The following TANC2 variants were observed in gnomAD, a reference collection of about 807,000 sequenced individuals.
The protein encoded by TANC2 is tetratricopeptide repeat, ankyrin repeat and coiled-coil containing 2.
A neutral mutation model predicts 210.5 loss-of-function variants in TANC2; 26 were observed. The ratio of observed to expected loss-of-function variants is 0.12; its 90% CI spans 0.09 to 0.17. The LOEUF (loss-of-function observed/expected upper bound fraction) is 0.17, where lower values mean the gene tolerates loss of function less well. TANC2 is among the 10% of genes least tolerant of loss of function. The pLI is 1.00. For synonymous variants in TANC2, 931 were observed against 967.1 expected, an observed-to-expected ratio of 0.96 and a Z score of 0.69; for missense variants, 2,129 against 2,608.9, an observed-to-expected ratio of 0.82 and a Z score of 4.01.
intron 2 of TANC2, among the ~76,000 whole-genome samples, chr17:63,045,431 A>G (rs2144313282): frequency 6.6e-6 from 1 of 152,280 alleles, no homozygotes; most frequent in East Asian, 1.9e-4. Flanking sequence ...ATTTATTCAA[A>G]TCTATCATTC....
rs150312783 is a variant in TANC2, at chr17:63,231,053, T to C, written c.770-6761T>C. Among the ~76,000 whole-genome samples, 204 of 152,312 alleles carry C rather than the reference T, an allele frequency of 1.3e-3. 1 individual carries two copies. In the East Asian group the frequency reaches 0.023, roughly 17 times the overall value. On this transcript the variant is annotated intron_variant, in intron 7 of 27. Transcript: ENST00000689528. ...TTGTCTTTTTTTAAATCTTTGTTGG[T>C]TTAAAGTCTGTTTTGTCAGAGACTA...
rs375976733 is a variant in TANC2 at position 63,406,310 on chromosome 17, G to A, written c.3589+33G>A. 1.9e-5 allele frequency: 31 copies of A among 1,606,932 alleles called. No homozygotes were observed. In the African/African-American group the frequency reaches 3.3e-4, roughly 17 times the overall value. On this transcript the variant is annotated intron_variant, in intron 21 of 27. Transcript: ENST00000689528. ...TTGGAATGCTAGAGCTGGCTGGCCA[G>A]TTTCCATAATTACCTGGTGAACTCA...
chr17:63,066,792 T>G (rs1418510985), intron 2 of TANC2, among the ~76,000 whole-genome samples: 1 of 151,944 alleles, frequency 6.6e-6, no homozygotes, highest in Non-Finnish European at 1.5e-5. Context: ...GACACAGATA[T>G]AGTCATGAAG....
intron 4 of TANC2, among the ~76,000 whole-genome samples, chr17:63,144,837 C>G (rs771700313): frequency 5.3e-5 from 8 of 152,036 alleles, no homozygotes; most frequent in Non-Finnish European, 1.0e-4. Flanking sequence ...TAAAGATTAT[C>G]ATATCAAATT....
At chr17:63,199,363 C>G (rs2041453176) in intron 6 of TANC2, among the ~76,000 whole-genome samples, 1 of 152,108 alleles carries the variant, frequency 6.6e-6, no homozygotes, top group African/African-American at 2.4e-5. Context: ...TGGCTCACAC[C>G]TGTAATCCCA....
At chr17:63,164,034 T>A (rs2040120733) in intron 5 of TANC2, among the ~76,000 whole-genome samples, 1 of 152,146 alleles carries the variant, frequency 6.6e-6, no homozygotes, top group South Asian at 2.1e-4. Flanking sequence ...GGTGCTAAGT[T>A]ACTTTTGTTC....
At position 63,246,399 on chromosome 17, in the gene TANC2, G is replaced by T. The variant is rs528744265; in HGVS notation, c.1033+8322G>T. Among the ~76,000 whole-genome samples, 117 of 152,150 alleles carry T rather than the reference G, an allele frequency of 7.7e-4. 1 individual carries two copies. Among genetic ancestry groups the T allele is most frequent in the African/African-American group, 2.8e-3 (115 of 41,510 alleles). On this transcript the variant is annotated intron_variant, in intron 8 of 27. Transcript: ENST00000689528. ...TAATGTTTAGTAAATGTAGCAAGTTGTGTAACCCTCACCATGAATCAGCTT... is the reference window on the plus strand; with the variant it reads ...TAATGTTTAGTAAATGTAGCAAGTTTTGTAACCCTCACCATGAATCAGCTT...
intron 3 of TANC2, among the ~76,000 whole-genome samples, chr17:63,086,959 A>T (rs542163676): frequency 9.8e-5 from 15 of 152,336 alleles, no homozygotes; most frequent in African/African-American, 3.4e-4. Context: ...AAATAAGGAA[A>T]TAAAAGCTGG....
At chr17:63,204,081 C>A (rs1023967507) in intron 7 of TANC2, among the ~76,000 whole-genome samples, 1 of 145,538 alleles carries the variant, frequency 6.9e-6, no homozygotes, top group African/African-American at 2.5e-5. Context: ...AAATGCACAT[C>A]GGTGTGTGGA....
intron 5 of TANC2, among the ~76,000 whole-genome samples, chr17:63,185,563 T>TA (rs1422193465): frequency 2.0e-5 from 3 of 152,236 alleles, no homozygotes; most frequent in Non-Finnish European, 4.4e-5. Flanking sequence ...TTTGAAACCA[T>TA]ACATTTTTTA....
At chr17:63,404,285 C>T (rs2048432175) in intron 19 of TANC2, among the ~76,000 whole-genome samples, 1 of 152,184 alleles carries the variant, frequency 6.6e-6, no homozygotes, top group South Asian at 2.1e-4. Context: ...GACTTCATAT[C>T]TCCAAACTCC....
chr17:63,419,517 G>A (rs1360844754), intron 27 of TANC2, among the ~76,000 whole-genome samples: 1 of 152,334 alleles, frequency 6.6e-6, no homozygotes, highest in South Asian at 2.1e-4. Flanking sequence ...AAAGGGCAGA[G>A]GACAGGGTTC....
chr17:63,095,108 C>T (rs1251406917), intron 3 of TANC2, among the ~76,000 whole-genome samples: 1 of 151,186 alleles, frequency 6.6e-6, no homozygotes, highest in East Asian at 1.9e-4. Context: ...CCCTGCCCCA[C>T]TGATGCTTCT....
chr17:63,335,786 A>C (rs1396829820), intron 11 of TANC2, among the ~76,000 whole-genome samples: 1 of 152,132 alleles, frequency 6.6e-6, no homozygotes, highest in African/African-American at 2.4e-5. Context: ...TATAGGTAAT[A>C]GTATTGCCAA....
At chr17:63,257,107 C>G (rs1188973971) in intron 8 of TANC2, among the ~76,000 whole-genome samples, 2 of 147,676 alleles carry the variant, frequency 1.4e-5, no homozygotes, top group Non-Finnish European at 3.0e-5. Flanking sequence ...TTCAGCCACG[C>G]TGTGTCTTTT....
intron 5 of TANC2, among the ~76,000 whole-genome samples, chr17:63,162,818 A>G (rs1428966909): frequency 6.6e-6 from 1 of 152,074 alleles, no homozygotes; most frequent in Non-Finnish European, 1.5e-5. Flanking sequence ...AGAAGAAGCC[A>G]TGGAATGTGT....
chr17:63,227,904 C>T (rs924978592), intron 7 of TANC2, among the ~76,000 whole-genome samples: 3 of 152,132 alleles, frequency 2.0e-5, no homozygotes, highest in Admixed American at 1.3e-4. Flanking sequence ...TGTTCTGTCA[C>T]CCAGGCCGGA....
At chr17:62,990,341 C>G (rs946475301) in intron 1 of TANC2, among the ~76,000 whole-genome samples, 1 of 152,084 alleles carries the variant, frequency 6.6e-6, no homozygotes, top group East Asian at 1.9e-4. Flanking sequence ...TGCAGTGACA[C>G]GAACAGAGCT....
chr17:63,074,078 C>A, intron 3 of TANC2, 64 bp downstream of exon 3: 1 of 1,352,684 alleles, frequency 7.4e-7, no homozygotes, highest in South Asian at 1.3e-5. Flanking sequence ...CTTTCTAGTA[C>A]TTAATTTGGA....
Sources: allele counts gnomAD v4.1 joint callset (sites outside exome capture counted in the v4.1 genomes callset), GRCh38; gene constraint gnomAD v4.1.1; transcripts MANE v1.5; gene names NCBI Gene and HGNC (gene_info 2026-07-23, HGNC 2026-07-21).